The following UNC5D variants were observed in gnomAD, a reference collection of about 807,000 sequenced individuals.
UNC5D encodes the protein unc-5 netrin receptor D.
Under a neutral mutation model 105.4 loss-of-function variants are expected in UNC5D, and 39 were observed. The observed-to-expected ratio is 0.37, with a 90% CI of 0.29 to 0.48. The LOEUF (loss-of-function observed/expected upper bound fraction) is 0.48. Ranked by LOEUF, UNC5D falls within the 20% of genes least tolerant of loss-of-function variation. UNC5D has a pLI of 0.98. For synonymous variants in UNC5D, 452 were observed against 450.4 expected, an observed-to-expected ratio of 1.00 and a Z score of -0.04; for missense variants, 991 against 1,202.4, an observed-to-expected ratio of 0.82 and a Z score of 2.60.
intron 1 of UNC5D, among the ~76,000 whole-genome samples, chr8:35,383,841 G>A (rs1803194634): frequency 6.6e-6 from 1 of 152,152 alleles, no homozygotes; most frequent in African/African-American, 2.4e-5. Flanking sequence ...GGCTTTGGGA[G>A]GAGGAAGCAG....
At chr8:35,732,452 G>A (rs1427479827) in intron 11 of UNC5D, among the ~76,000 whole-genome samples, 1 of 151,974 alleles carries the variant, frequency 6.6e-6, no homozygotes, top group Admixed American at 6.6e-5. Flanking sequence ...TTGGCAACTG[G>A]GGGGAAAAAG....
intron 2 of UNC5D, among the ~76,000 whole-genome samples, chr8:35,561,966 T>C (rs553388977): frequency 6.6e-6 from 1 of 152,328 alleles, no homozygotes; most frequent in South Asian, 2.1e-4. Context: ...TGTCAAACAC[T>C]GGATTTTAGT....
At chr8:35,288,001 C>A (rs1304337053) in intron 1 of UNC5D, among the ~76,000 whole-genome samples, 1 of 151,888 alleles carries the variant, frequency 6.6e-6, no homozygotes, top group Non-Finnish European at 1.5e-5. Flanking sequence ...TTGCATAATA[C>A]AAATTCCTGA....
chr8:35,731,399 C>CCAAAAAAAA (rs1280974908), intron 11 of UNC5D, among the ~76,000 whole-genome samples: 1 of 30,662 alleles, frequency 3.3e-5, no homozygotes, highest in African/African-American at 6.4e-5. Flanking sequence ...ACTCTGTCTC[C>CCAAAAAAAA]AAAAAAAAAA....
intron 1 of UNC5D, among the ~76,000 whole-genome samples, chr8:35,349,077 T>C (rs894326406): frequency 6.6e-6 from 1 of 151,932 alleles, no homozygotes; most frequent in African/African-American, 2.4e-5. Context: ...ATTCTCATAT[T>C]TGGTTCTGCA....
chr8:35,465,996 C>T (rs1360271308), intron 1 of UNC5D, among the ~76,000 whole-genome samples: 1 of 152,078 alleles, frequency 6.6e-6, no homozygotes, highest in African/African-American at 2.4e-5. Context: ...CTATAGTATC[C>T]AAAAAGGAAC....
intron 4 of UNC5D, among the ~76,000 whole-genome samples, chr8:35,662,973 T>C (rs151292210): frequency 9.7e-4 from 147 of 152,314 alleles, no homozygotes; most frequent in African/African-American, 3.4e-3. Flanking sequence ...GCACGCTCCT[T>C]ATCGGAGTCC....
chr8:35,283,867 G>A (rs1032336997), intron 1 of UNC5D, among the ~76,000 whole-genome samples: 2 of 151,906 alleles, frequency 1.3e-5, no homozygotes, highest in Non-Finnish European at 2.9e-5. Context: ...TTAGAATGGG[G>A]CCCAGGCATC....
chr8:35,608,584 T>A (rs563240509), intron 4 of UNC5D, among the ~76,000 whole-genome samples: 1 of 152,304 alleles, frequency 6.6e-6, no homozygotes, highest in Admixed American at 6.5e-5. Flanking sequence ...ACTATTATTC[T>A]ACACTCTATG....
intron 3 of UNC5D, among the ~76,000 whole-genome samples, chr8:35,581,863 A>AG (rs1261728916): frequency 6.6e-6 from 1 of 152,152 alleles, no homozygotes; most frequent in African/African-American, 2.4e-5. Flanking sequence ...GACAAGACCC[A>AG]GGGGTATCCT....
chr8:35,724,345 C>A, intron 9 of UNC5D: 1 of 1,521,944 alleles, frequency 6.6e-7, no homozygotes, highest in Non-Finnish European at 8.8e-7. Context: ...ATGCTGATAT[C>A]ATGTGGTTTT....
intron 4 of UNC5D, among the ~76,000 whole-genome samples, chr8:35,681,535 G>A (rs1825665793): frequency 1.3e-5 from 2 of 152,268 alleles, no homozygotes; most frequent in East Asian, 1.9e-4. Flanking sequence ...GTCACAGGCT[G>A]GTAGTCAGAT....
intron 1 of UNC5D, among the ~76,000 whole-genome samples, chr8:35,418,337 C>T (rs908038357): frequency 2.0e-5 from 3 of 152,136 alleles, no homozygotes; most frequent in Admixed American, 6.5e-5. Context: ...TAGAGAGTTG[C>T]TGCCAACATT....
chr8:35,351,526 G>T (rs986859718), intron 1 of UNC5D, among the ~76,000 whole-genome samples: 1 of 152,072 alleles, frequency 6.6e-6, no homozygotes, highest in Non-Finnish European at 1.5e-5. Context: ...CTTCTGAATT[G>T]TATCCAGTGC....
chr8:35,568,388 G>A (rs964122364), intron 3 of UNC5D, 147 bp downstream of exon 3: 6 of 1,268,380 alleles, frequency 4.7e-6, no homozygotes, highest in Admixed American at 3.0e-5. Context: ...ATTTTAAAAT[G>A]TTTGATAATT....
intron 16 of UNC5D, among the ~76,000 whole-genome samples, chr8:35,789,774 C>G (rs1478681140): frequency 6.6e-6 from 1 of 152,006 alleles, no homozygotes; most frequent in Non-Finnish European, 1.5e-5. Flanking sequence ...AAGGTAAAAC[C>G]TTGAAAGCTC....
chr8:35,515,409 G>A (rs969719473), intron 1 of UNC5D, among the ~76,000 whole-genome samples: 3 of 152,202 alleles, frequency 2.0e-5, no homozygotes, highest in Admixed American at 2.0e-4. Flanking sequence ...TTAGGGCTGG[G>A]TGTGGTGGCT....
At chr8:35,240,963 C>T (rs929868734) in intron 1 of UNC5D, among the ~76,000 whole-genome samples, 2 of 152,052 alleles carry the variant, frequency 1.3e-5, no homozygotes, top group Admixed American at 1.3e-4. Context: ...TTTTGAATTT[C>T]GGCAGAAAAT....
chr8:35,760,919 T>A (rs1465673150), intron 14 of UNC5D, among the ~76,000 whole-genome samples: 1 of 152,160 alleles, frequency 6.6e-6, no homozygotes, highest in East Asian at 1.9e-4. Context: ...TCAGGATTTT[T>A]AAACTGGACA....
Sources: gnomAD v4.1 joint callset for allele counts (sites outside exome capture counted in the v4.1 genomes callset) on GRCh38, gnomAD v4.1.1 for gene constraint, MANE v1.5 for transcripts, NCBI Gene and HGNC (gene_info 2026-07-23, HGNC 2026-07-21) for gene names.